The following GDAP1 variants were observed in gnomAD, a reference collection of about 807,000 sequenced individuals.
GDAP1 encodes the protein ganglioside-induced differentiation-associated protein 1.
A neutral mutation model predicts 40.1 loss-of-function variants in GDAP1; 34 were observed. That is an observed-to-expected ratio of 0.85 (90% CI 0.64 to 1.13). The LOEUF is 1.13. Among genes scored for constraint, GDAP1 ranks in the 50% most tolerant of loss-of-function variants. GDAP1 has a pLI of 0.00. For missense variants in GDAP1, 374 were observed against 433.7 expected (o/e 0.86, Z 1.22); for synonymous variants, 170 against 157.4 (o/e 1.08, Z -0.60).
At chr8:74,409,408 G>A (rs1410303722) in intron 2 of GDAP1, among the ~76,000 whole-genome samples, 1 of 149,734 alleles carries the variant, frequency 6.7e-6, no homozygotes, top group Non-Finnish European at 1.5e-5. Context: ...CTGGAGTGCA[G>A]TGGTGCGATC....
chr8:74,398,761 G>T (rs534156677), intron 2 of GDAP1, among the ~76,000 whole-genome samples: 1 of 151,880 alleles, frequency 6.6e-6, no homozygotes, highest in Admixed American at 6.6e-5. Context: ...AGCATGAAGA[G>T]TTGTTGAATT....
chr8:74,464,399 G>A lies in GDAP1; in HGVS notation c.166-24279G>A, dbSNP rs10087328. Among the ~76,000 whole-genome samples, 874 of 152,250 alleles carry A rather than the reference G, an allele frequency of 5.7e-3. 5 individuals carry two copies. The highest frequency in any genetic ancestry group is 7.0e-3 in the Non-Finnish European group (473 of 68,020). On this transcript the variant is annotated intron_variant, in intron 2 of 2. Coordinates refer to the GDAP1 transcript ENST00000523640. ...TGGGGAACAGGGTCATATTTTAGTG[G>A]TTTGCTTGGTTTTCTGTAAGACCCT...
At chr8:74,459,127 C>T (rs950441866) in intron 2 of GDAP1, among the ~76,000 whole-genome samples, 11 of 152,196 alleles carry the variant, frequency 7.2e-5, no homozygotes, top group African/African-American at 2.6e-4. Context: ...TGGAGGGGTA[C>T]AATCAGACCC....
At chr8:74,354,321 A>G (rs902848721) in intron 2 of GDAP1, among the ~76,000 whole-genome samples, 2 of 152,212 alleles carry the variant, frequency 1.3e-5, no homozygotes, top group Non-Finnish European at 2.9e-5. Context: ...TAGGTGCTTA[A>G]TAAATATTTT....
At chr8:74,419,932 G>A (rs145227002) in intron 2 of GDAP1, among the ~76,000 whole-genome samples, 1 of 152,118 alleles carries the variant, frequency 6.6e-6, no homozygotes, top group Non-Finnish European at 1.5e-5. Flanking sequence ...CATTGAAATG[G>A]TTTTGGGACT....
At chr8:74,386,308 T>G (rs930986651) in intron 2 of GDAP1, among the ~76,000 whole-genome samples, 7 of 152,206 alleles carry the variant, frequency 4.6e-5, no homozygotes, top group Non-Finnish European at 8.8e-5. Flanking sequence ...CCTCTAGGGT[T>G]TTTGTGATTT....
At chr8:74,457,920 C>T (rs1325908405) in intron 2 of GDAP1, among the ~76,000 whole-genome samples, 7 of 152,058 alleles carry the variant, frequency 4.6e-5, no homozygotes, top group Admixed American at 3.9e-4. Context: ...ATGATATTAT[C>T]AGTAAAGTCC....
intron 2 of GDAP1, among the ~76,000 whole-genome samples, chr8:74,377,517 A>G (rs986141245): frequency 6.6e-6 from 1 of 152,224 alleles, no homozygotes; most frequent in Non-Finnish European, 1.5e-5. Context: ...TCATTATACT[A>G]ACATAGAAAC....
chr8:74,402,012 C>T (rs1810351028), intron 2 of GDAP1, among the ~76,000 whole-genome samples: 1 of 150,250 alleles, frequency 6.7e-6, no homozygotes, highest in South Asian at 2.1e-4. Flanking sequence ...GTCAGGGACC[C>T]ACTTGAGGAG....
chr8:74,487,884 C>T (rs953697827), intron 2 of GDAP1, among the ~76,000 whole-genome samples: 4 of 152,106 alleles, frequency 2.6e-5, no homozygotes, highest in African/African-American at 9.7e-5. Context: ...GAAAGACATG[C>T]TTGCCTAGGA....
chr8:74,356,783 C>T (rs1809123547), intron 2 of GDAP1, among the ~76,000 whole-genome samples: 2 of 144,112 alleles, frequency 1.4e-5, no homozygotes, highest in Non-Finnish European at 3.0e-5. Flanking sequence ...GGCGCAATCT[C>T]GGCTCCCTGC....
intron 2 of GDAP1, among the ~76,000 whole-genome samples, chr8:74,469,267 A>G (rs1806512828): frequency 6.6e-6 from 1 of 152,166 alleles, no homozygotes; most frequent in Non-Finnish European, 1.5e-5. Flanking sequence ...CAGTGTTAAC[A>G]TATTTGTTTA....
intron 2 of GDAP1, among the ~76,000 whole-genome samples, chr8:74,439,576 G>A (rs1806135554): frequency 6.6e-6 from 1 of 150,398 alleles, no homozygotes; most frequent in African/African-American, 2.4e-5. Context: ...ACTTGTCTTG[G>A]GTTCCTGGGC....
At chr8:74,406,779 C>T (rs971544470) in intron 2 of GDAP1, among the ~76,000 whole-genome samples, 1 of 149,734 alleles carries the variant, frequency 6.7e-6, no homozygotes, top group Non-Finnish European at 1.5e-5. Context: ...TAGTGGATTG[C>T]GGCTTTTGAC....
intron 2 of GDAP1, among the ~76,000 whole-genome samples, chr8:74,374,964 A>G (rs1809826410): frequency 6.6e-6 from 1 of 152,232 alleles, no homozygotes; most frequent in South Asian, 2.1e-4. Flanking sequence ...TAAAACATAG[A>G]TAAGGGAGTG....
intron 2 of GDAP1, among the ~76,000 whole-genome samples, chr8:74,438,515 G>A (rs569175694): frequency 8.3e-4 from 126 of 152,272 alleles, no homozygotes; most frequent in Non-Finnish European, 1.1e-3. Flanking sequence ...GAGGTTGAGC[G>A]TCTTTTTATA....
chr8:74,463,460 CAA>C (rs11333344), intron 2 of GDAP1, among the ~76,000 whole-genome samples: 4 of 143,646 alleles, frequency 2.8e-5, no homozygotes, highest in South Asian at 2.2e-4. Context: ...GACCCTGTCT[CAA>C]AAAAAAAAAC....
chr8:74,364,279 C>T lies in GDAP1; in HGVS notation c.989C>T (p.Ala330Val). ...ACGACCCTTGTGGTTGGTTTGCTTGCAGGAGTGGGATATTTTGCTTTTATG... is the reference window on the plus strand; with the variant it reads ...ACGACCCTTGTGGTTGGTTTGCTTGTAGGAGTGGGATATTTTGCTTTTATG... ...LGTTLVVGLL[A>V]GVGYFAFMLF... The change falls in exon 6 of 6, where the codon GCA becomes GTA. Residue 330 changes from alanine (A) to valine (V), a missense_variant. Coordinates refer to ENST00000220822, the MANE Select transcript of GDAP1 (RefSeq NM_018972.4). The T allele has an allele frequency of 6.2e-7, 1 of 1,614,088 alleles. No homozygotes were observed. The highest frequency in any genetic ancestry group is 8.5e-7 in the Non-Finnish European group (1 of 1,179,960).
chr8:74,476,695 C>T (rs545451736), intron 2 of GDAP1, among the ~76,000 whole-genome samples: 35 of 152,116 alleles, frequency 2.3e-4, no homozygotes, highest in Admixed American at 1.6e-3. Context: ...CCTGTCCTTT[C>T]TCTCTTGCTG....
Sources: gnomAD v4.1 joint callset for allele counts (sites outside exome capture counted in the v4.1 genomes callset) on GRCh38, gnomAD v4.1.1 for gene constraint, MANE v1.5 for transcripts, NCBI Gene and HGNC (gene_info 2026-07-23, HGNC 2026-07-21) for gene names.